Variants in GMDS observed in about 807,000 individuals in gnomAD.
GMDS encodes the protein GDP-mannose 4,6-dehydratase, also known as GDP-mannose 4,6 dehydratase.
In GMDS, 20 loss-of-function variants were observed where a neutral mutation model predicts 49.9. That is an observed-to-expected ratio of 0.40 (90% CI 0.28 to 0.58). The LOEUF (loss-of-function observed/expected upper bound fraction) is 0.58. GMDS is among the 20% of genes least tolerant of loss of function. The pLI, the probability that GMDS is intolerant of heterozygous loss-of-function variation, is 0.42. For synonymous variants in GMDS, 177 were observed against 178.6 expected (o/e 0.99, Z 0.07); for missense variants, 362 against 481.4 (o/e 0.75, Z 2.32).
At chr6:1,816,820 G>A (rs759982881) in intron 7 of GMDS, among the ~76,000 whole-genome samples, 57 of 151,366 alleles carry the variant, frequency 3.8e-4, no homozygotes, top group South Asian at 2.1e-3. Context: ...AAGTGGTGGA[G>A]GTCTTTCTTT....
intron 7 of GMDS, among the ~76,000 whole-genome samples, chr6:1,873,584 G>C (rs918313234): frequency 1.3e-5 from 2 of 152,168 alleles, no homozygotes; most frequent in African/African-American, 4.8e-5. Context: ...TATTCAGGCA[G>C]CACTGAAGAA....
chr6:1,650,026 G>A (rs1007740164), intron 9 of GMDS, among the ~76,000 whole-genome samples: 1 of 152,216 alleles, frequency 6.6e-6, no homozygotes, highest in Non-Finnish European at 1.5e-5. Context: ...CTTGCCGTCT[G>A]ACCTTGGGCA....
At chr6:1,887,659 A>G (rs1371651314) in intron 7 of GMDS, among the ~76,000 whole-genome samples, 1 of 152,220 alleles carries the variant, frequency 6.6e-6, no homozygotes, top group Non-Finnish European at 1.5e-5. Context: ...TAGCAAAAAC[A>G]AAACCTTTCT....
At chr6:1,740,706 G>A (rs1275496119) in intron 8 of GMDS, among the ~76,000 whole-genome samples, 1 of 150,796 alleles carries the variant, frequency 6.6e-6, no homozygotes, top group Non-Finnish European at 1.5e-5. Flanking sequence ...TTTGAAAAAT[G>A]AGGTATCTTC....
intron 9 of GMDS, among the ~76,000 whole-genome samples, chr6:1,691,460 G>A (rs754941253): frequency 1.3e-5 from 2 of 152,002 alleles, no homozygotes; most frequent in East Asian, 1.9e-4. Flanking sequence ...CATGGCATAC[G>A]TTCACCTAAG....
chr6:1,944,619 G>A (rs1017246470), intron 6 of GMDS, among the ~76,000 whole-genome samples: 18 of 147,232 alleles, frequency 1.2e-4, no homozygotes, highest in Non-Finnish European at 1.6e-4. Context: ...GCAGTGAGCC[G>A]AGATCGTGCC....
chr6:2,088,571 T>C (rs1453804582), intron 4 of GMDS, among the ~76,000 whole-genome samples: 2 of 152,214 alleles, frequency 1.3e-5, no homozygotes, highest in Non-Finnish European at 2.9e-5. Flanking sequence ...CTCTTTTTTA[T>C]TGAGATAGAA....
chr6:1,897,574 A>G (rs1395661316), intron 7 of GMDS, among the ~76,000 whole-genome samples: 2 of 152,310 alleles, frequency 1.3e-5, no homozygotes, highest in East Asian at 3.9e-4. Flanking sequence ...TTTAAGGGAC[A>G]ATCTGAAGAA....
At chr6:1,976,933 CT>C (rs1391453899) in intron 4 of GMDS, among the ~76,000 whole-genome samples, 1 of 152,160 alleles carries the variant, frequency 6.6e-6, no homozygotes, top group Non-Finnish European at 1.5e-5. Context: ...GATTATTCTA[CT>C]ACAACGCAGG....
At chr6:2,014,492 C>T (rs1489105160) in intron 4 of GMDS, among the ~76,000 whole-genome samples, 1 of 151,966 alleles carries the variant, frequency 6.6e-6, no homozygotes, top group Non-Finnish European at 1.5e-5. Context: ...AAGCAGCATA[C>T]CGTTATTTAA....
intron 4 of GMDS, among the ~76,000 whole-genome samples, chr6:2,041,659 G>C (rs1276023587): frequency 6.6e-6 from 1 of 152,150 alleles, no homozygotes; most frequent in Admixed American, 6.5e-5. Context: ...GGGGAGGTGG[G>C]GTCATGGGGA....
chr6:2,094,683 G>A lies in GMDS; in HGVS notation c.345+21088C>T, dbSNP rs1048182184. Among the ~76,000 whole-genome samples the A allele has an allele frequency of 9.9e-5, 15 of 152,264 alleles. No homozygotes were observed. The East Asian group carries it at 2.9e-3, about 29-fold the overall frequency. ...GGGTTGAGGGGAGTTAGAATCAATG[G>A]TACAGAGACTGGAAAGAAGCAGATT... On this transcript the variant is annotated intron_variant, in intron 4 of 10. Transcript: ENST00000380815.
intron 7 of GMDS, among the ~76,000 whole-genome samples, chr6:1,910,097 T>C (rs1451021689): frequency 1.3e-5 from 2 of 152,308 alleles, no homozygotes; most frequent in East Asian, 3.9e-4. Context: ...ATTTGGGATT[T>C]ATTGACTTAA....
At chr6:1,920,203 T>C (rs887724682) in intron 7 of GMDS, among the ~76,000 whole-genome samples, 31 of 152,212 alleles carry the variant, frequency 2.0e-4, no homozygotes, top group African/African-American at 7.2e-4. Context: ...AAGATTAACA[T>C]GCTTGTATTA....
At chr6:1,862,725 G>A (rs192368823) in intron 7 of GMDS, among the ~76,000 whole-genome samples, 1 of 152,098 alleles carries the variant, frequency 6.6e-6, no homozygotes, top group African/African-American at 2.4e-5. Flanking sequence ...TAGTTCCCTG[G>A]GTAAAAAAAT....
At position 1,726,356 on chromosome 6, in the gene GMDS, G is replaced by T. The variant is rs41300829; in HGVS notation, c.987+60C>A. ...GGCTGGCACCAGGCATTCCATGAGC[G>T]CATTTGCCCAGCCAGCCAGCCAAAT... On this transcript the variant is annotated intron_variant, in intron 9 of 10. Transcript: ENST00000380815. The T allele has an allele frequency of 1.9e-5, 20 of 1,069,306 alleles. No homozygotes were observed. In the East Asian group the frequency reaches 4.5e-4, roughly 24 times the overall value. The allele number at this position is 1,069,306 out of a possible 1,614,324, so 66.2% of individuals were successfully genotyped here.
chr6:1,799,308 T>G (rs933404906), intron 7 of GMDS, among the ~76,000 whole-genome samples: 35 of 152,258 alleles, frequency 2.3e-4, no homozygotes, highest in African/African-American at 7.9e-4. Context: ...ACATCCAATT[T>G]ATTATGGATT....
At position 2,042,753 on chromosome 6, in the gene GMDS, A is replaced by G. The variant is rs550712842; in HGVS notation, c.345+73018T>C. Reference sequence around the variant, plus strand: ...TCAAACCCTTTATCATTTTCAAAAGAAATCAAAAACACATGAAACTTAATA... The same window carrying G: ...TCAAACCCTTTATCATTTTCAAAAGGAATCAAAAACACATGAAACTTAATA... On this transcript the variant is annotated intron_variant, in intron 4 of 10. Transcript: ENST00000380815. Among the ~76,000 whole-genome samples, 730 of 152,314 alleles carry G rather than the reference A, an allele frequency of 4.8e-3. 1 individual carries two copies. The highest frequency in any genetic ancestry group is 0.01 in the Middle Eastern group (3 of 294).
chr6:1,690,684 T>C (rs1457427292), intron 9 of GMDS, among the ~76,000 whole-genome samples: 1 of 152,094 alleles, frequency 6.6e-6, no homozygotes, highest in Non-Finnish European at 1.5e-5. Flanking sequence ...AACAACTCCA[T>C]TAAAAAGTGG....
Sources: allele counts gnomAD v4.1 joint callset (sites outside exome capture counted in the v4.1 genomes callset), GRCh38; gene constraint gnomAD v4.1.1; transcripts MANE v1.5; gene names NCBI Gene and HGNC (gene_info 2026-07-23, HGNC 2026-07-21).